The following SSTR5 variants were observed in gnomAD, a reference collection of about 807,000 sequenced individuals.
The protein encoded by SSTR5 is somatostatin receptor type 5.
In SSTR5, 1 loss-of-function variant was observed where a neutral mutation model predicts 0.3. The observed-to-expected ratio is 2.98, with a 90% confidence interval of 1.06 to 14.15. SSTR5 has a LOEUF of 14.15. Among genes scored for constraint, SSTR5 ranks in the 30% most tolerant of loss-of-function variants. The pLI, the probability that SSTR5 is intolerant of heterozygous loss-of-function variation, is 0.12. For missense variants in SSTR5, 516 were observed against 543.2 expected (o/e 0.95, Z 0.50); for synonymous variants, 256 against 263.1 (o/e 0.97, Z 0.26).
In SSTR5 at chr16:1,079,329, G is replaced by A. The variant is rs150485280; in HGVS notation, c.461G>A (p.Arg154His). Reference sequence around the variant, plus strand: ...AGCTCGGCCCGCTGGCGCCGCCCGCGTGTGGCCAAGCTGGCGAGCGCCGCG... The same window carrying A: ...AGCTCGGCCCGCTGGCGCCGCCCGCATGTGGCCAAGCTGGCGAGCGCCGCG... ...PLSSARWRRP[R>H]VAKLASAAAW... Residue 154 changes from arginine to histidine, a missense_variant, in exon 2 of 2, where the codon CGT becomes CAT. Transcript: ENST00000689027. 2.4e-5 allele frequency: 39 copies of A among 1,607,320 alleles called. No homozygotes were observed. In the African/African-American group the frequency reaches 2.9e-4, roughly 12 times the overall value.
At position 1,080,052 on chromosome 16, in the gene SSTR5, G is replaced by A; in HGVS notation, c.*89G>A. The A allele has an allele frequency of 6.9e-7, 1 of 1,458,578 alleles. No individual in the cohort carries two copies. Among genetic ancestry groups the A allele is most frequent in the Non-Finnish European group, 9.1e-7 (1 of 1,096,992 alleles). The allele number at this position is 1,458,578 out of a possible 1,614,324, so 90.4% of individuals were successfully genotyped here. A position where few individuals can be genotyped will look rare whatever the true frequency, so the allele number is the denominator to read the frequency against. ...CCCCCACCCATGACCTGCCAGTCAG[G>A]ATGCTCCCCGGCGGTGGTGTGAGGA... On this transcript the variant is annotated 3_prime_UTR_variant, in exon 2 of 2. Transcript: ENST00000689027.
At chr16:1,074,136 A>G (rs1376987717) in intron 1 of SSTR5, among the ~76,000 whole-genome samples, 2 of 152,180 alleles carry the variant, frequency 1.3e-5, no homozygotes, top group Non-Finnish European at 2.9e-5. Flanking sequence ...GCCTGCCACC[A>G]GGCCACCCTT....
intron 1 of SSTR5, 76 bp from the exon 2 acceptor site, chr16:1,078,766 G>A: frequency 7.0e-7 from 1 of 1,422,844 alleles, no homozygotes; most frequent in East Asian, 2.5e-5. Context: ...CGGGGCTGGG[G>A]CCCAGGAGGA....
intron 1 of SSTR5, chr16:1,073,209 G>A (rs1960124130): frequency 6.6e-6 from 1 of 152,402 alleles, no homozygotes; most frequent in Non-Finnish European, 1.5e-5. Context: ...CAGCGGGGCT[G>A]GCTCCTGGAG....
intron 1 of SSTR5, among the ~76,000 whole-genome samples, chr16:1,074,199 C>A (rs1292090870): frequency 6.6e-6 from 1 of 152,188 alleles, no homozygotes; most frequent in Non-Finnish European, 1.5e-5. Flanking sequence ...GGCCTGGCTC[C>A]GGGGCCTTTG....
intron 1 of SSTR5, chr16:1,078,506 A>G (rs1475499240): frequency 2.9e-5 from 10 of 343,090 alleles, no homozygotes; most frequent in East Asian, 6.7e-5. Flanking sequence ...GAGGGGCTTC[A>G]GGGAGACGCA....
intron 1 of SSTR5, among the ~76,000 whole-genome samples, chr16:1,076,432 C>G (rs1484973880): frequency 1.3e-5 from 2 of 149,384 alleles, no homozygotes; most frequent in Non-Finnish European, 3.0e-5. Flanking sequence ...GGGAATCCGT[C>G]CTGTCTCTCT....
Position 1,080,008 on chromosome 16 carries a change from G to A in SSTR5, c.*45G>A, listed in dbSNP as rs767517427. The A allele has an allele frequency of 1.2e-5, 19 of 1,541,818 alleles. No homozygotes were observed. The highest frequency in any genetic ancestry group is 1.2e-4 in the Admixed American group (6 of 50,246). On this transcript the variant is annotated 3_prime_UTR_variant, in exon 2 of 2. Transcript: ENST00000689027. ...GCGGCCCCGTGTCACCCCCAGGAGCGGAGGTTGCACTGCGGTGACCCCCAC... is the reference window on the plus strand; with the variant it reads ...GCGGCCCCGTGTCACCCCCAGGAGCAGAGGTTGCACTGCGGTGACCCCCAC...
rs1960347827 is a variant in SSTR5, at chr16:1,080,491, C to T, written c.*528C>T. On this transcript the variant is annotated 3_prime_UTR_variant, in exon 2 of 2. Coordinates refer to ENST00000689027, the MANE Select transcript of SSTR5 (RefSeq NM_001172560.3). ...GCCCCAGCCCCTCGCTTGCCCTGCA[C>T]TGTGTGGACTCTGGGGATGCAGGTG... Among the ~76,000 whole-genome samples, 1 of 152,260 alleles carries T rather than the reference C, an allele frequency of 6.6e-6. No individual in the cohort carries two copies. Among genetic ancestry groups the T allele is most frequent in the African/African-American group, 2.4e-5 (1 of 41,478 alleles).
At chr16:1,077,450 G>GTCT (rs1217366422) in intron 1 of SSTR5, among the ~76,000 whole-genome samples, 3 of 152,194 alleles carry the variant, frequency 2.0e-5, no homozygotes, top group Non-Finnish European at 2.9e-5. Context: ...TTGAGACAGG[G>GTCT]TCTTGCTCAG....
chr16:1,074,105 C>T (rs1442169206), intron 1 of SSTR5, among the ~76,000 whole-genome samples: 1 of 152,202 alleles, frequency 6.6e-6, no homozygotes, highest in Non-Finnish European at 1.5e-5. Context: ...ACTCACAGAG[C>T]TGGACCCCAA....
intron 1 of SSTR5, chr16:1,073,127 CA>C (rs1317858555): frequency 6.6e-6 from 1 of 152,462 alleles, no homozygotes; most frequent in East Asian, 1.9e-4. Context: ...GCCCAGAAGC[CA>C]CAGGGGACCC....
chr16:1,079,590 G>T lies in SSTR5; in HGVS notation c.722G>T (p.Arg241Leu), dbSNP rs773526866. Reference protein sequence around the residue: ...AGVRVGCVRRRSERKVTRMVL... With the variant: ...AGVRVGCVRRLSERKVTRMVL... ...GTGCGCGTGGGCTGCGTGCGGCGGCGCTCGGAGCGGAAGGTGACGCGCATG... is the reference window on the plus strand; with the variant it reads ...GTGCGCGTGGGCTGCGTGCGGCGGCTCTCGGAGCGGAAGGTGACGCGCATG... The change falls in exon 2 of 2, where the codon CGC (arginine) becomes CTC (leucine). Residue 241 changes from arginine (R) to leucine (L), a missense_variant. Physicochemically the swap from Arg to Leu is moderately radical, Grantham distance 102 (BLOSUM62 -2). Coordinates refer to ENST00000689027, the MANE Select transcript of SSTR5 (RefSeq NM_001172560.3). 4.3e-6 allele frequency: 7 copies of T among 1,610,946 alleles called. No homozygotes were observed. In the South Asian group the frequency reaches 4.4e-5, roughly 10 times the overall value.
chr16:1,075,314 GC>G (rs760803573), intron 1 of SSTR5, among the ~76,000 whole-genome samples: 2 of 152,162 alleles, frequency 1.3e-5, no homozygotes, highest in Non-Finnish European at 2.9e-5. Flanking sequence ...CATGGGAGTG[GC>G]CTTGGAGGAA....
At chr16:1,075,296 G>T (rs993631719) in intron 1 of SSTR5, among the ~76,000 whole-genome samples, 1 of 152,166 alleles carries the variant, frequency 6.6e-6, no homozygotes, top group Non-Finnish European at 1.5e-5. Context: ...CCCTCGCTGG[G>T]CTCTGGGCAT....
At chr16:1,075,945 C>G (rs1432637915) in intron 1 of SSTR5, among the ~76,000 whole-genome samples, 8 of 55,592 alleles carry the variant, frequency 1.4e-4, no homozygotes, top group Non-Finnish European at 3.7e-5. Context: ...CTGTCTTTCT[C>G]TCTCCCTCCC....
At position 1,079,611 on chromosome 16, in the gene SSTR5, G is replaced by T; in HGVS notation, c.743G>T (p.Arg248Leu). The T allele has an allele frequency of 6.2e-7, 1 of 1,611,766 alleles. No individual in the cohort carries two copies. The highest frequency in any genetic ancestry group is 8.5e-7 in the Non-Finnish European group (1 of 1,179,164). The change falls in exon 2 of 2, where the codon CGC (arginine) becomes CTC (leucine). Residue 248 changes from arginine to leucine, a missense_variant. Coordinates refer to ENST00000689027, the MANE Select transcript of SSTR5 (RefSeq NM_001172560.3). The part of the protein sequence containing the change: ...VRRRSERKVT[R>L]MVLVVVLVFA... ...CGGCGCTCGGAGCGGAAGGTGACGC[G>T]CATGGTGTTGGTGGTGGTGCTGGTG...
Position 1,080,168 on chromosome 16 carries a change from G to A in SSTR5, c.*205G>A, listed in dbSNP as rs375269687. 41 of 689,022 alleles carry A rather than the reference G, an allele frequency of 6.0e-5. No homozygotes were observed. Among genetic ancestry groups the A allele is most frequent in the South Asian group, 1.0e-4 (4 of 38,900 alleles). The allele number at this position is 689,022 out of a possible 1,614,324, so 42.7% of individuals were successfully genotyped here. On this transcript the variant is annotated 3_prime_UTR_variant, in exon 2 of 2. Coordinates refer to ENST00000689027, the MANE Select transcript of SSTR5 (RefSeq NM_001172560.3). ...CCCCTCTAACCGTCTGCCACACAGCGGGGGCTCCCGGGAGGTAGGGGAGGT... is the reference window on the plus strand; with the variant it reads ...CCCCTCTAACCGTCTGCCACACAGCAGGGGCTCCCGGGAGGTAGGGGAGGT...
chr16:1,075,683 G>A (rs909361415), intron 1 of SSTR5, among the ~76,000 whole-genome samples: 2 of 151,716 alleles, frequency 1.3e-5, no homozygotes, highest in Non-Finnish European at 2.9e-5. Flanking sequence ...CACCTGGGCC[G>A]CCATCCCACC....
Sources: gnomAD v4.1 joint callset for allele counts (sites outside exome capture counted in the v4.1 genomes callset) on GRCh38, gnomAD v4.1.1 for gene constraint, MANE v1.5 for transcripts, NCBI Gene and HGNC (gene_info 2026-07-23, HGNC 2026-07-21) for gene names.